The following FBXW4 variants were observed in gnomAD, a reference collection of about 807,000 sequenced individuals.
FBXW4 encodes the protein F-box/WD repeat-containing protein 4.
In FBXW4, 40 loss-of-function variants were observed where a neutral mutation model predicts 61.8. That is an observed-to-expected ratio of 0.65 (90% CI 0.50 to 0.84). The LOEUF is 0.84. Ranked by LOEUF, FBXW4 falls within the 40% of genes least tolerant of loss-of-function variation. The probability of loss-of-function intolerance (pLI) is 0.00; values close to 1 mark genes in which losing one functional copy is unlikely to be tolerated. For synonymous variants in FBXW4, 311 were observed against 313.8 expected (o/e 0.99, Z 0.10); for missense variants, 672 against 753.8 (o/e 0.89, Z 1.27).
chr10:101,641,616 T>C (rs1457348593), intron 5 of FBXW4, among the ~76,000 whole-genome samples: 1 of 131,484 alleles, frequency 7.6e-6, no homozygotes, highest in African/African-American at 2.9e-5. Flanking sequence ...ACATAGTGCA[T>C]GTAAGATTTT....
At position 101,656,715 on chromosome 10, in the gene FBXW4, G is replaced by C. The variant is rs142753284; in HGVS notation, c.1235+11171C>G. On this transcript the variant is annotated intron_variant, in intron 5 of 8. Coordinates refer to ENST00000331272, the MANE Select transcript of FBXW4 (RefSeq NM_022039.4). Reference sequence around the variant, plus strand: ...GAAGGAGCGGAGGAAGAGGCAGCAGGGCAAGCTAAGCAGGCCCAGAGACGA... The same window carrying C: ...GAAGGAGCGGAGGAAGAGGCAGCAGCGCAAGCTAAGCAGGCCCAGAGACGA... 1.2e-4 allele frequency among the ~76,000 whole-genome samples: 19 copies of C among 152,284 alleles called. No individual in the cohort carries two copies. The East Asian group carries it at 3.7e-3, about 29-fold the overall frequency.
rs185397857 is a variant in FBXW4, at chr10:101,675,244, C to T, written c.821+1097G>A. 1.9e-3 allele frequency among the ~76,000 whole-genome samples: 293 copies of T among 152,284 alleles called. 2 individuals are homozygous for T. The East Asian group carries it at 0.029, about 15-fold the overall frequency. On this transcript the variant is annotated intron_variant, in intron 2 of 8. Coordinates refer to ENST00000331272, the MANE Select transcript of FBXW4 (RefSeq NM_022039.4). ...TATGCACATTCCTCTTCAATATCCCCTTGCGTGAGTGTGTGGCACACTCAA... is the reference window on the plus strand; with the variant it reads ...TATGCACATTCCTCTTCAATATCCCTTTGCGTGAGTGTGTGGCACACTCAA...
rs139333316 is a variant in FBXW4 at position 101,670,956 on chromosome 10, T to C, written c.1140+1959A>G. 6.7e-3 allele frequency among the ~76,000 whole-genome samples: 1,014 copies of C among 152,160 alleles called. 5 individuals carry two copies. The highest frequency in any genetic ancestry group is 0.011 in the Non-Finnish European group (722 of 67,990). ...ACTTCCCTTTACCCCATAAAATAAATCTCTTTCCTAAAATACAGTACATAT... is the reference window on the plus strand; with the variant it reads ...ACTTCCCTTTACCCCATAAAATAAACCTCTTTCCTAAAATACAGTACATAT... On this transcript the variant is annotated intron_variant, in intron 4 of 8. Transcript: ENST00000331272.
intron 5 of FBXW4, among the ~76,000 whole-genome samples, chr10:101,661,856 G>A (rs1247079190): frequency 2.0e-5 from 3 of 152,148 alleles, no homozygotes; most frequent in Non-Finnish European, 2.9e-5. Flanking sequence ...TACAGTCCAC[G>A]CCATCAGGAG....
In FBXW4 at chr10:101,693,019, A is replaced by G. The variant is rs571454355; in HGVS notation, c.725+1362T>C. On this transcript the variant is annotated intron_variant, in intron 1 of 8. Coordinates refer to ENST00000331272, the MANE Select transcript of FBXW4 (RefSeq NM_022039.4). ...GGAAAAACAAGAAGACCCCAGTAAT[A>G]AATGGGCAAAGAGTGGGAAGAGACA... is the stretch of plus-strand genomic sequence containing the variant. Among the ~76,000 whole-genome samples the G allele has an allele frequency of 2.6e-5, 4 of 152,342 alleles. No individual in the cohort carries two copies. The South Asian group carries it at 8.3e-4, about 32-fold the overall frequency.
chr10:101,630,985 C>T (rs987289284), intron 5 of FBXW4, among the ~76,000 whole-genome samples: 1 of 152,094 alleles, frequency 6.6e-6, no homozygotes, highest in African/African-American at 2.4e-5. Flanking sequence ...TCCACAGTGG[C>T]ATCTGTTTCG....
chr10:101,648,305 T>C (rs2064117800), intron 5 of FBXW4, among the ~76,000 whole-genome samples: 1 of 152,232 alleles, frequency 6.6e-6, no homozygotes, highest in African/African-American at 2.4e-5. Flanking sequence ...AGCATTGATT[T>C]GAGATGATTG....
chr10:101,646,137 G>C (rs942192792), intron 5 of FBXW4, among the ~76,000 whole-genome samples: 2 of 152,194 alleles, frequency 1.3e-5, no homozygotes, highest in Non-Finnish European at 2.9e-5. Context: ...AAATGGCCTA[G>C]TAAAGGGAAC....
intron 1 of FBXW4, among the ~76,000 whole-genome samples, chr10:101,687,303 G>A (rs1194900448): frequency 6.6e-6 from 1 of 152,042 alleles, no homozygotes; most frequent in African/African-American, 2.4e-5. Context: ...AAAAAGACAG[G>A]AGAGCTGGGG....
At chr10:101,620,049 C>T (rs535366540) in intron 6 of FBXW4, among the ~76,000 whole-genome samples, 2 of 152,332 alleles carry the variant, frequency 1.3e-5, no homozygotes, top group South Asian at 4.1e-4. Flanking sequence ...GGGCAAACTG[C>T]CCCTCCAGTA....
chr10:101,651,854 C>T (rs1255630608), intron 5 of FBXW4, among the ~76,000 whole-genome samples: 1 of 152,098 alleles, frequency 6.6e-6, no homozygotes, highest in Non-Finnish European at 1.5e-5. Context: ...TCGGCTGGCC[C>T]ATTGTCTCTC....
At chr10:101,633,386 G>C (rs1198678015) in intron 5 of FBXW4, among the ~76,000 whole-genome samples, 3 of 152,114 alleles carry the variant, frequency 2.0e-5, no homozygotes, top group African/African-American at 7.2e-5. Context: ...TCATAACTGG[G>C]AGCTGAACAA....
At chr10:101,620,159 C>T (rs987879932) in intron 6 of FBXW4, among the ~76,000 whole-genome samples, 2 of 152,344 alleles carry the variant, frequency 1.3e-5, no homozygotes, top group Admixed American at 6.5e-5. Context: ...AGAATCCATC[C>T]AGCACCGCTC....
intron 5 of FBXW4, among the ~76,000 whole-genome samples, chr10:101,637,323 C>T (rs576023074): frequency 2.3e-4 from 30 of 128,882 alleles, no homozygotes; most frequent in Admixed American, 1.4e-3. Context: ...ACCTGGGAGG[C>T]GGAGCTTGCA....
chr10:101,616,775 A>G (rs2063828842), intron 6 of FBXW4, among the ~76,000 whole-genome samples: 1 of 152,212 alleles, frequency 6.6e-6, no homozygotes, highest in Admixed American at 6.5e-5. Flanking sequence ...CACATCCCTC[A>G]CCTGGCACAA....
intron 4 of FBXW4, among the ~76,000 whole-genome samples, chr10:101,671,269 C>T (rs1219095144): frequency 6.6e-6 from 1 of 152,188 alleles, no homozygotes; most frequent in African/African-American, 2.4e-5. Flanking sequence ...AGGGGAGCTG[C>T]AAACCAGCTG....
At chr10:101,665,503 G>T (rs557089394) in intron 5 of FBXW4, among the ~76,000 whole-genome samples, 39 of 152,248 alleles carry the variant, frequency 2.6e-4, no homozygotes, top group African/African-American at 9.1e-4. Flanking sequence ...GAAAACATAA[G>T]GCCTAGGTCT....
intron 1 of FBXW4, among the ~76,000 whole-genome samples, chr10:101,677,073 C>T (rs1468086570): frequency 6.6e-6 from 1 of 152,084 alleles, no homozygotes; most frequent in Non-Finnish European, 1.5e-5. Context: ...TTTTAGAAGA[C>T]CAATAAGAAA....
In FBXW4 at chr10:101,611,215, T is replaced by C; in HGVS notation, c.*76A>G. 1 of 1,558,432 alleles carries C rather than the reference T, an allele frequency of 6.4e-7. No homozygotes were observed. The highest frequency in any genetic ancestry group is 8.7e-7 in the Non-Finnish European group (1 of 1,149,222). Reference sequence around the variant, plus strand: ...ACAGTGGGGCAGTGAGGAGGAGCTATCACTGCACCCTCCAGGCAAGAGAAG... The same window carrying C: ...ACAGTGGGGCAGTGAGGAGGAGCTACCACTGCACCCTCCAGGCAAGAGAAG... On this transcript the variant is annotated 3_prime_UTR_variant, in exon 9 of 9. Coordinates refer to ENST00000331272, the MANE Select transcript of FBXW4 (RefSeq NM_022039.4). The surrounding 1 kb of genome is among the most constrained non-coding windows in gnomAD (Gnocchi z 4.9).
Sources: allele counts gnomAD v4.1 joint callset (sites outside exome capture counted in the v4.1 genomes callset), GRCh38; gene constraint gnomAD v4.1.1; non-coding constraint Gnocchi (gnomAD v3.1); transcripts MANE v1.5; gene names NCBI Gene and HGNC (gene_info 2026-07-23, HGNC 2026-07-21).